VPS13B: variants seen among roughly 807,000 people sequenced by gnomAD.
VPS13B encodes vacuolar protein sorting 13 homolog B.
A neutral mutation model predicts 426.4 loss-of-function variants in VPS13B; 285 were observed. The ratio of observed to expected loss-of-function variants is 0.67; its 90% CI spans 0.61 to 0.74. VPS13B has a LOEUF of 0.74. Ranked by LOEUF, VPS13B falls within the 30% of genes least tolerant of loss-of-function variation. The pLI is 0.00. For synonymous variants in VPS13B, 1,676 were observed against 1,676.4 expected (o/e 1.00, Z 0.01); for missense variants, 4,537 against 4,782.6 (o/e 0.95, Z 1.51).
At chr8:99,841,118 G>A (rs1815661740) in intron 54 of VPS13B, among the ~76,000 whole-genome samples, 1 of 152,150 alleles carries the variant, frequency 6.6e-6, no homozygotes, top group Non-Finnish European at 1.5e-5. Flanking sequence ...TATACAGTAG[G>A]AAAAATTACA....
intron 17 of VPS13B, among the ~76,000 whole-genome samples, chr8:99,220,800 T>TTTA (rs57170355): frequency 5.3e-5 from 7 of 132,782 alleles, no homozygotes; most frequent in Non-Finnish European, 9.9e-5. Flanking sequence ...TTTTTTTTTT[T>TTTA]ATTATACTCT....
intron 33 of VPS13B, among the ~76,000 whole-genome samples, chr8:99,579,959 A>G (rs75964261): frequency 0.031 from 4,729 of 152,180 alleles, 99 homozygotes; most frequent in East Asian, 0.057. Flanking sequence ...CAGCCTCCCA[A>G]AGTGCTGAGA....
intron 30 of VPS13B, among the ~76,000 whole-genome samples, chr8:99,553,829 T>C (rs2133758390): frequency 6.6e-6 from 1 of 152,150 alleles, no homozygotes; most frequent in African/African-American, 2.4e-5. Flanking sequence ...ATCAAATATA[T>C]AGTTTAATTT....
intron 60 of VPS13B, 118 bp downstream of exon 60, chr8:99,871,005 C>T: frequency 9.9e-7 from 1 of 1,007,312 alleles, no homozygotes; most frequent in Non-Finnish European, 1.5e-6. Context: ...CCATTGTTGG[C>T]ACTGGCATCT....
Position 99,198,810 on chromosome 8 carries a change from C to G in VPS13B, c.2515+5753C>G, listed in dbSNP as rs1335256256. On this transcript the variant is annotated intron_variant, in intron 17 of 61. Coordinates refer to ENST00000357162, the MANE Select transcript of VPS13B (RefSeq NM_152564.5). ...ATCAGCTAAGACAGTTTTAAAAAGC[C>G]AGATTTCCAGGTGGTCAGTTTTCTT... Among the ~76,000 whole-genome samples, 6 of 151,566 alleles carry G rather than the reference C, an allele frequency of 4.0e-5. 1 individual carries two copies. Among genetic ancestry groups the G allele is most frequent in the Non-Finnish European group, 2.9e-5 (2 of 67,896 alleles).
chr8:99,220,462 T>C (rs143809976), intron 17 of VPS13B, among the ~76,000 whole-genome samples: 5 of 152,344 alleles, frequency 3.3e-5, no homozygotes, highest in African/African-American at 9.6e-5. Flanking sequence ...GAAAACTGTA[T>C]GCACATTAAA....
At chr8:99,744,763 T>C (rs1188744585) in intron 39 of VPS13B, among the ~76,000 whole-genome samples, 15 of 148,074 alleles carry the variant, frequency 1.0e-4, no homozygotes, top group African/African-American at 3.5e-4. Context: ...AGGTGGGAAT[T>C]GAACAATGAG....
At chr8:99,667,053 A>C (rs1367367806) in intron 35 of VPS13B, among the ~76,000 whole-genome samples, 1 of 152,218 alleles carries the variant, frequency 6.6e-6, no homozygotes, top group African/African-American at 2.4e-5. Flanking sequence ...TTAGAGATTT[A>C]AACTTTTAAG....
chr8:99,237,922 T>G (rs1473904877), intron 17 of VPS13B, among the ~76,000 whole-genome samples: 1 of 151,796 alleles, frequency 6.6e-6, no homozygotes, highest in Non-Finnish European at 1.5e-5. Context: ...AAACTCTTAA[T>G]GGCCTTCGTT....
intron 17 of VPS13B, among the ~76,000 whole-genome samples, chr8:99,241,769 A>G (rs577055115): frequency 4.7e-4 from 72 of 152,284 alleles, no homozygotes; most frequent in African/African-American, 1.5e-3. Context: ...TTTATTGACT[A>G]TATCCATCCC....
chr8:99,578,730 T>G (rs1321441259), intron 33 of VPS13B, among the ~76,000 whole-genome samples: 2 of 152,138 alleles, frequency 1.3e-5, no homozygotes, highest in African/African-American at 2.4e-5. Flanking sequence ...GCAAGTTGAG[T>G]TGGATAAAAG....
intron 34 of VPS13B, among the ~76,000 whole-genome samples, chr8:99,646,084 A>G (rs942349807): frequency 2.0e-5 from 3 of 152,184 alleles, no homozygotes; most frequent in Admixed American, 6.5e-5. Context: ...TTTAAATTGG[A>G]GGGACTAAAA....
intron 17 of VPS13B, among the ~76,000 whole-genome samples, chr8:99,213,717 T>C (rs1815233862): frequency 6.6e-6 from 1 of 152,206 alleles, no homozygotes; most frequent in African/African-American, 2.4e-5. Flanking sequence ...TCCTCAACTT[T>C]GCAGTGTGTT....
intron 30 of VPS13B, among the ~76,000 whole-genome samples, chr8:99,547,517 G>A (rs1023544293): frequency 2.0e-5 from 3 of 151,890 alleles, no homozygotes; most frequent in South Asian, 4.2e-4. Context: ...GTGAATTCCC[G>A]AGATATGCCT....
intron 30 of VPS13B, chr8:99,536,735 T>A (rs1228474755): frequency 3.7e-6 from 2 of 533,978 alleles, no homozygotes; most frequent in South Asian, 2.8e-5. Flanking sequence ...GTCTTTGGCA[T>A]TAAACGTATT....
chr8:99,016,247 C>G (rs1841607364), intron 2 of VPS13B, among the ~76,000 whole-genome samples: 1 of 152,134 alleles, frequency 6.6e-6, no homozygotes, highest in African/African-American at 2.4e-5. Context: ...AGGTGTATAC[C>G]TAGAAGGTAG....
At chr8:99,295,415 A>G (rs1447770982) in intron 19 of VPS13B, among the ~76,000 whole-genome samples, 2 of 152,216 alleles carry the variant, frequency 1.3e-5, no homozygotes, top group Non-Finnish European at 2.9e-5. Flanking sequence ...GTTCAAATAA[A>G]AGCTACAGAA....
chr8:99,836,912 C>A (rs1324875026), intron 54 of VPS13B, among the ~76,000 whole-genome samples: 2 of 152,166 alleles, frequency 1.3e-5, no homozygotes, highest in Non-Finnish European at 2.9e-5. Flanking sequence ...TCCAGAAGTA[C>A]CTTGGTCTAA....
chr8:99,129,598 A>G (rs1405704113), intron 8 of VPS13B, among the ~76,000 whole-genome samples: 1 of 150,026 alleles, frequency 6.7e-6, no homozygotes, highest in Non-Finnish European at 1.5e-5. Context: ...AAAGTCTGAC[A>G]TTTTGTAAAA....
Sources: allele counts gnomAD v4.1 joint callset (sites outside exome capture counted in the v4.1 genomes callset), GRCh38; gene constraint gnomAD v4.1.1; transcripts MANE v1.5; gene names NCBI Gene and HGNC (gene_info 2026-07-23, HGNC 2026-07-21).